Variants in ESCO2 observed in about 807,000 individuals in gnomAD.
ESCO2 encodes the protein N-acetyltransferase ESCO2.
Under a neutral mutation model 61.7 loss-of-function variants are expected in ESCO2, and 51 were observed. The ratio of observed to expected loss-of-function variants is 0.83; its 90% CI spans 0.66 to 1.04. The LOEUF (loss-of-function observed/expected upper bound fraction) is 1.04, where lower values mean the gene tolerates loss of function less well. Among genes scored for constraint, ESCO2 ranks in the 50% least tolerant of loss-of-function variants. The pLI is 0.00. For synonymous variants in ESCO2, 230 were observed against 238.2 expected, an observed-to-expected ratio of 0.97 and a Z score of 0.32; for missense variants, 692 against 686.2, an observed-to-expected ratio of 1.01 and a Z score of -0.09.
At chr8:27,775,347 C>A in intron 1 of ESCO2, 152 bp from the exon 2 acceptor site, 2 of 700,206 alleles carry the variant, frequency 2.9e-6, no homozygotes, top group South Asian at 1.6e-5. Context: ...CGCGTGTAAC[C>A]CTTGGAGGGG....
intron 8 of ESCO2, among the ~76,000 whole-genome samples, chr8:27,792,413 C>T (rs1191698049): frequency 6.6e-6 from 1 of 152,080 alleles, no homozygotes; most frequent in Non-Finnish European, 1.5e-5. Context: ...TGTTTTAATG[C>T]TTCCTATTCC....
chr8:27,775,990 G>A (rs1352514771), intron 2 of ESCO2, among the ~76,000 whole-genome samples: 2 of 152,300 alleles, frequency 1.3e-5, no homozygotes, highest in East Asian at 3.9e-4. Context: ...CCCAGGAAAA[G>A]CCCCAGGGGG....
chr8:27,774,428 C>T (rs1804731989), upstream of ESCO2: 1 of 152,196 alleles, frequency 6.6e-6, no homozygotes, highest in African/African-American at 2.4e-5. Context: ...TGGAAACAGC[C>T]ACCAGGGTGG....
At chr8:27,814,373 A>G (rs1008031880), downstream of ESCO2, among the ~76,000 whole-genome samples, 1 of 152,164 alleles carries the variant, frequency 6.6e-6, no homozygotes, top group Admixed American at 6.5e-5. Flanking sequence ...AGAATTTACA[A>G]TAACCCTTTT....
At chr8:27,816,578 G>A (rs1041861071), downstream of ESCO2, among the ~76,000 whole-genome samples, 5 of 151,406 alleles carry the variant, frequency 3.3e-5, no homozygotes, top group African/African-American at 1.2e-4. Flanking sequence ...GGGTTTCACT[G>A]TGTTAGCCAG....
At chr8:27,815,100 G>T (rs1178751805), downstream of ESCO2, among the ~76,000 whole-genome samples, 1 of 152,108 alleles carries the variant, frequency 6.6e-6, no homozygotes, top group Non-Finnish European at 1.5e-5. Flanking sequence ...TTTACTGAAA[G>T]AAATTTCTCC....
At chr8:27,802,630 A>AAAAT (rs1554557661) in intron 10 of ESCO2, among the ~76,000 whole-genome samples, 38 of 45,834 alleles carry the variant, frequency 8.3e-4, no homozygotes, top group East Asian at 2.1e-3. Context: ...AAAAAAAAAA[A>AAAAT]ATATATATAT....
At position 27,793,090 on chromosome 8, in the gene ESCO2, A is replaced by G. The variant is rs1805214103; in HGVS notation, c.1497+279A>G. Among the ~76,000 whole-genome samples, 2 of 152,204 alleles carry G rather than the reference A, an allele frequency of 1.3e-5. 1 individual carries two copies. Among genetic ancestry groups the G allele is most frequent in the South Asian group, 4.1e-4 (2 of 4,832 alleles). On this transcript the variant is annotated intron_variant, in intron 9 of 10. Transcript: ENST00000305188. ...TTAAGTAAACAAATCTATAAACTGA[A>G]ATTTTTAAACATGTGGCTTAGTGAA...
chr8:27,780,321 C>G, intron 4 of ESCO2, 54 bp downstream of exon 4: 2 of 1,092,390 alleles, frequency 1.8e-6, no homozygotes, highest in South Asian at 1.3e-5. Flanking sequence ...TTATTACATA[C>G]ATTATACAAT....
intron 2 of ESCO2, among the ~76,000 whole-genome samples, chr8:27,776,047 G>A (rs182308523): frequency 1.3e-5 from 2 of 152,268 alleles, no homozygotes; most frequent in Admixed American, 1.3e-4. Context: ...AAACAATAGA[G>A]CAAAATATAT....
downstream of ESCO2, among the ~76,000 whole-genome samples, chr8:27,805,920 C>T (rs1236969094): frequency 6.6e-6 from 1 of 152,080 alleles, no homozygotes; most frequent in African/African-American, 2.4e-5. Flanking sequence ...GTGTGAGCCA[C>T]GGCACCCAGC....
upstream of ESCO2, chr8:27,772,599 T>G (rs1804670972): frequency 1.3e-6 from 2 of 1,521,700 alleles, no homozygotes; most frequent in Non-Finnish European, 1.8e-6. Flanking sequence ...CTCACGAAGC[T>G]CAGGATACCA....
Position 27,792,877 on chromosome 8 carries a change from G to A in ESCO2, c.1497+66G>A, listed in dbSNP as rs112470511. On this transcript the variant is annotated intron_variant, in intron 9 of 10. Coordinates refer to ENST00000305188, the MANE Select transcript of ESCO2 (RefSeq NM_001017420.3). ...GCAAAATAAAGAAAAGTTGGGAGAA[G>A]TCTCAGCATTTAAGATTGCTACCAT... 112 of 1,492,332 alleles carry A rather than the reference G, an allele frequency of 7.5e-5. 1 individual carries two copies. The African/African-American group carries it at 1.3e-3, about 17-fold the overall frequency. The allele number at this position is 1,492,332 out of a possible 1,614,324, so 92.4% of individuals were successfully genotyped here.
downstream of ESCO2, chr8:27,812,047 C>A (rs6997451): frequency 0.42 from 63,508 of 151,908 alleles, 13,615 homozygotes; most frequent in East Asian, 0.62. Context: ...AGTTTCGTCT[C>A]CTTTCCAATT....
intron 4 of ESCO2, among the ~76,000 whole-genome samples, chr8:27,782,539 T>C (rs1175231653): frequency 1.3e-5 from 2 of 152,104 alleles, no homozygotes; most frequent in Non-Finnish European, 2.9e-5. Flanking sequence ...TTTCATCTCA[T>C]AGTTCATGTT....
downstream of ESCO2, chr8:27,808,166 CCTTT>C (rs879628303): frequency 1.3e-5 from 14 of 1,054,912 alleles, no homozygotes; most frequent in Middle Eastern, 2.9e-4. Context: ...AGTTTAAAAT[CCTTT>C]CTAATTTTTA....
At chr8:27,802,758 TTTGA>T (rs1484442442) in intron 10 of ESCO2, among the ~76,000 whole-genome samples, 2 of 145,222 alleles carry the variant, frequency 1.4e-5, no homozygotes, top group Non-Finnish European at 3.0e-5. Flanking sequence ...ATTTTTATTT[TTTGA>T]TTGAGTTGGA....
chr8:27,776,311 T>A lies in ESCO2; in HGVS notation c.54-51T>A, dbSNP rs79896359. ...GAGCTTACTTAGCAGTAGATTTATG[T>A]AAATTTTGACGCAAAATAATCTTAT... On this transcript the variant is annotated intron_variant, in intron 2 of 10. Coordinates refer to ENST00000305188, the MANE Select transcript of ESCO2 (RefSeq NM_001017420.3). The A allele has an allele frequency of 3.9e-3, 5,863 of 1,490,188 alleles. 110 individuals carry two copies. In the African/African-American group the frequency reaches 0.044, roughly 11 times the overall value. 92.3% of individuals were successfully genotyped at this position (1,490,188 alleles called of 1,614,324 possible).
rs747449529 is a variant in ESCO2 at position 27,780,267 on chromosome 8, A to T, written c.955A>T (p.Ile319Phe). The T allele has an allele frequency of 2.5e-6, 4 of 1,583,316 alleles. No individual in the cohort carries two copies. Among genetic ancestry groups the T allele is most frequent in the Non-Finnish European group, 3.5e-6 (4 of 1,152,330 alleles). ...GGATTCTCTTGGTGAGAATAAGACA[A>T]GTAAGAGAAAACTCGCATGAATTTA... ...SEDSLGENKTISPKSTVYPIF... is the reference protein window; with the variant it reads ...SEDSLGENKTFSPKSTVYPIF... The change falls in exon 4 of 11, where the codon ATT becomes TTT. Residue 319 changes from isoleucine (I) to phenylalanine (F), a missense_variant and splice_region_variant. By Grantham distance (21) the Ile-to-Phe change is conservative. Coordinates refer to ENST00000305188, the MANE Select transcript of ESCO2 (RefSeq NM_001017420.3).
Sources: gnomAD v4.1 joint callset for allele counts (sites outside exome capture counted in the v4.1 genomes callset) on GRCh38, gnomAD v4.1.1 for gene constraint, MANE v1.5 for transcripts, NCBI Gene and HGNC (gene_info 2026-07-23, HGNC 2026-07-21) for gene names.